Variants in GALNTL6 observed in about 807,000 individuals in gnomAD.
The protein encoded by GALNTL6 is polypeptide N-acetylgalactosaminyltransferase like 6.
In GALNTL6, 46 loss-of-function variants were observed where a neutral mutation model predicts 73.7. That is an observed-to-expected ratio of 0.62 (90% CI 0.49 to 0.80). GALNTL6 has a LOEUF of 0.80. GALNTL6 is among the 30% of genes least tolerant of loss of function. GALNTL6 has a pLI of 0.00. For missense variants in GALNTL6, 604 were observed against 755.0 expected (o/e 0.80, Z 2.34); for synonymous variants, 259 against 263.7 (o/e 0.98, Z 0.17).
chr4:172,896,922 G>A (rs1408612189), intron 8 of GALNTL6, among the ~76,000 whole-genome samples: 6 of 152,072 alleles, frequency 3.9e-5, no homozygotes, highest in Non-Finnish European at 7.4e-5. Context: ...CTGTCAAAAT[G>A]GCTCAGATGG....
intron 5 of GALNTL6, among the ~76,000 whole-genome samples, chr4:172,603,001 G>A (rs568840241): frequency 2.4e-4 from 36 of 152,128 alleles, no homozygotes; most frequent in Non-Finnish European, 4.7e-4. Context: ...ATTCCATTTA[G>A]ATAAGATTCT....
chr4:171,853,901 C>T (rs546556923), intron 2 of GALNTL6, among the ~76,000 whole-genome samples: 5 of 152,024 alleles, frequency 3.3e-5, no homozygotes, highest in African/African-American at 4.8e-5. Flanking sequence ...CGTGAGCCAC[C>T]GCGCCTGGCC....
intron 4 of GALNTL6, among the ~76,000 whole-genome samples, chr4:172,346,858 A>C (rs1170883250): frequency 6.6e-6 from 1 of 152,206 alleles, no homozygotes; most frequent in Non-Finnish European, 1.5e-5. Flanking sequence ...AAAACATTTC[A>C]AAAGAGAAAG....
At chr4:172,267,890 T>C (rs1401095438) in intron 3 of GALNTL6, among the ~76,000 whole-genome samples, 1 of 152,166 alleles carries the variant, frequency 6.6e-6, no homozygotes, top group East Asian at 1.9e-4. Context: ...AAAATGGCAC[T>C]CTAACACAAA....
intron 5 of GALNTL6, among the ~76,000 whole-genome samples, chr4:172,673,361 T>C: frequency 6.6e-6 from 1 of 152,224 alleles, no homozygotes; most frequent in Non-Finnish European, 1.5e-5. Context: ...TTCGGTTCTT[T>C]TGCATTTGCT....
At chr4:172,429,534 A>G (rs932776213) in intron 5 of GALNTL6, among the ~76,000 whole-genome samples, 3 of 152,150 alleles carry the variant, frequency 2.0e-5, no homozygotes, top group Non-Finnish European at 2.9e-5. Flanking sequence ...ATTTTAATGC[A>G]TGGATTTTGG....
At chr4:172,674,639 T>A (rs1560872292) in intron 5 of GALNTL6, among the ~76,000 whole-genome samples, 1 of 152,206 alleles carries the variant, frequency 6.6e-6, no homozygotes, top group East Asian at 1.9e-4. Context: ...TAATCCTATG[T>A]TTCTTGGAGG....
In GALNTL6 at chr4:171,814,578, G is replaced by T. The variant is rs1209567002; in HGVS notation, c.-3G>T. 14 of 1,613,752 alleles carry T rather than the reference G, an allele frequency of 8.7e-6. No homozygotes were observed. The highest frequency in any genetic ancestry group is 1.2e-5 in the Non-Finnish European group (14 of 1,179,910). ...TAACTTTTCTTCTCTGTTACCATTT[G>T]CAATGAAGAGGAAACAGAAGAGATT... On this transcript the variant is annotated 5_prime_UTR_variant, in exon 2 of 13. Coordinates refer to ENST00000506823, the MANE Select transcript of GALNTL6 (RefSeq NM_001034845.3).
chr4:172,496,585 A>T (rs1423931420), intron 5 of GALNTL6, among the ~76,000 whole-genome samples: 2 of 152,170 alleles, frequency 1.3e-5, no homozygotes, highest in African/African-American at 4.8e-5. Context: ...CAGGAAGCTG[A>T]GGTGGGGGGA....
At position 173,029,754 on chromosome 4, in the gene GALNTL6, A is replaced by T. The variant is rs569653629; in HGVS notation, c.1638+8129A>T. Among the ~76,000 whole-genome samples the T allele has an allele frequency of 7.9e-5, 12 of 152,292 alleles. No individual in the cohort carries two copies. The East Asian group carries it at 2.3e-3, about 29-fold the overall frequency. On this transcript the variant is annotated intron_variant, in intron 12 of 12. Transcript: ENST00000506823. ...TATATCTGTACAGGTCATCTTTTACATTATGTTGCTATCCACTTTTTTCCA... is the reference window on the plus strand; with the variant it reads ...TATATCTGTACAGGTCATCTTTTACTTTATGTTGCTATCCACTTTTTTCCA...
chr4:172,322,275 A>G (rs1740786009), intron 4 of GALNTL6, among the ~76,000 whole-genome samples: 1 of 152,036 alleles, frequency 6.6e-6, no homozygotes, highest in Non-Finnish European at 1.5e-5. Context: ...TTTTTAATGA[A>G]CTTTCGCTTC....
chr4:171,937,744 G>T (rs1738395981), intron 2 of GALNTL6, among the ~76,000 whole-genome samples: 1 of 152,114 alleles, frequency 6.6e-6, no homozygotes, highest in Non-Finnish European at 1.5e-5. Flanking sequence ...GGTTACATAG[G>T]CAAATGAAAA....
intron 4 of GALNTL6, among the ~76,000 whole-genome samples, chr4:172,342,243 T>G (rs1442745778): frequency 6.6e-6 from 1 of 151,766 alleles, no homozygotes; most frequent in Non-Finnish European, 1.5e-5. Context: ...CCTTAAAATA[T>G]TATAGTATTT....
At chr4:172,673,417 C>T (rs1028697258) in intron 5 of GALNTL6, among the ~76,000 whole-genome samples, 24 of 152,122 alleles carry the variant, frequency 1.6e-4, no homozygotes, top group South Asian at 6.2e-4. Flanking sequence ...AGAGCATGTA[C>T]CATGTGGCAA....
intron 11 of GALNTL6, among the ~76,000 whole-genome samples, chr4:173,018,316 T>C (rs1752861791): frequency 6.6e-6 from 1 of 152,250 alleles, no homozygotes; most frequent in Non-Finnish European, 1.5e-5. Flanking sequence ...TTTGCTATTG[T>C]TGTAATTAAA....
chr4:171,895,918 A>C (rs75228423), intron 2 of GALNTL6, among the ~76,000 whole-genome samples: 1 of 151,952 alleles, frequency 6.6e-6, no homozygotes, highest in Non-Finnish European at 1.5e-5. Context: ...GAAAAAAAAA[A>C]CAGAAAACAA....
At chr4:172,361,417 G>T (rs1742364758) in intron 5 of GALNTL6, among the ~76,000 whole-genome samples, 3 of 151,978 alleles carry the variant, frequency 2.0e-5, no homozygotes, top group Admixed American at 2.0e-4. Flanking sequence ...GTCCTACAAG[G>T]GAGCTGAAGG....
intron 2 of GALNTL6, among the ~76,000 whole-genome samples, chr4:171,893,191 G>T (rs982679712): frequency 5.3e-5 from 8 of 152,184 alleles, no homozygotes; most frequent in African/African-American, 1.9e-4. Flanking sequence ...AAAGACGGCA[G>T]ACTGCTTCAG....
intron 10 of GALNTL6, among the ~76,000 whole-genome samples, chr4:172,971,482 T>C (rs1031635966): frequency 6.6e-6 from 1 of 152,184 alleles, no homozygotes; most frequent in Admixed American, 6.5e-5. Flanking sequence ...ATATACAAAT[T>C]ATATATAATC....
Sources: gnomAD v4.1 joint callset for allele counts (sites outside exome capture counted in the v4.1 genomes callset) on GRCh38, gnomAD v4.1.1 for gene constraint, MANE v1.5 for transcripts, NCBI Gene and HGNC (gene_info 2026-07-23, HGNC 2026-07-21) for gene names.